The following MTA3 variants were observed in gnomAD, a reference collection of about 807,000 sequenced individuals.
MTA3 encodes metastasis-associated protein MTA3.
In MTA3, 34 loss-of-function variants were observed where a neutral mutation model predicts 83.5. That is an observed-to-expected ratio of 0.41 (90% CI 0.31 to 0.54). The LOEUF (loss-of-function observed/expected upper bound fraction) is 0.54, where lower values mean the gene tolerates loss of function less well. MTA3 is among the 20% of genes least tolerant of loss of function. MTA3 has a pLI of 0.33. For synonymous variants in MTA3, 303 were observed against 252.7 expected, an observed-to-expected ratio of 1.20 and a Z score of -1.89; for missense variants, 761 against 726.4, an observed-to-expected ratio of 1.05 and a Z score of -0.55.
chr2:42,625,491 A>T (rs1685983400), intron 4 of MTA3, among the ~76,000 whole-genome samples: 2 of 150,988 alleles, frequency 1.3e-5, no homozygotes, highest in South Asian at 4.2e-4. Flanking sequence ...TTATGCCTTT[A>T]ATCCCAGCAC....
chr2:42,593,350 C>CAA (rs199677731), intron 3 of MTA3, among the ~76,000 whole-genome samples: 4 of 81,692 alleles, frequency 4.9e-5, no homozygotes, highest in African/African-American at 2.0e-4. Context: ...GACTCTGTGT[C>CAA]AAAACAAAAA....
intron 16 of MTA3, among the ~76,000 whole-genome samples, chr2:42,741,349 C>G (rs1450499672): frequency 6.6e-6 from 1 of 152,196 alleles, no homozygotes; most frequent in Non-Finnish European, 1.5e-5. Flanking sequence ...CATATGTTCA[C>G]TGGAGTGGCA....
In MTA3 at chr2:42,619,436, A is replaced by G. The variant is rs551251265; in HGVS notation, c.317+9852A>G. 1.2e-4 allele frequency among the ~76,000 whole-genome samples: 19 copies of G among 152,330 alleles called. No homozygotes were observed. In the Middle Eastern group the frequency reaches 0.014, roughly 109 times the overall value. On this transcript the variant is annotated intron_variant, in intron 4 of 16. Coordinates refer to ENST00000405094, the MANE Select transcript of MTA3 (RefSeq NM_001330442.2). ...GAGGCCAGGTCAGTTAGGAAACTCA[A>G]TTTAAAATGATATTTATATTATCCA... is the stretch of plus-strand genomic sequence containing the variant.
intron 4 of MTA3, among the ~76,000 whole-genome samples, chr2:42,613,377 A>T (rs1684457762): frequency 6.6e-6 from 1 of 152,136 alleles, no homozygotes; most frequent in African/African-American, 2.4e-5. Context: ...GAGTTTTCTC[A>T]TTTTAGCTTT....
intron 7 of MTA3, among the ~76,000 whole-genome samples, chr2:42,657,583 ACCAAGGAGTTGGTT>A (rs1025712042): frequency 2.6e-5 from 4 of 152,132 alleles, no homozygotes; most frequent in Non-Finnish European, 4.4e-5. Context: ...CATGAAGGAC[ACCAAGGAGTTGGTT>A]CCTAGTATGT....
rs113989479 is a variant in MTA3 at position 42,650,713 on chromosome 2, G to C, written c.500-5487G>C. On this transcript the variant is annotated intron_variant, in intron 6 of 16. Transcript: ENST00000405094. ...CAAAGTGCTGGGATTACAGGCATGA[G>C]CCACCGCACCCTTGATTGTGTTTGT... Among the ~76,000 whole-genome samples, 1,302 of 152,286 alleles carry C rather than the reference G, an allele frequency of 8.5e-3. 18 individuals are homozygous for C. The highest frequency in any genetic ancestry group is 0.029 in the African/African-American group (1,204 of 41,552).
At chr2:42,582,303 C>T (rs1390863884) in intron 3 of MTA3, among the ~76,000 whole-genome samples, 1 of 152,184 alleles carries the variant, frequency 6.6e-6, no homozygotes, top group Non-Finnish European at 1.5e-5. Context: ...CGTGATCTGC[C>T]TGCCTTGGCC....
chr2:42,558,705 G>A (rs1427250010), intron 2 of MTA3, among the ~76,000 whole-genome samples: 5 of 150,256 alleles, frequency 3.3e-5, no homozygotes, highest in South Asian at 2.1e-4. Flanking sequence ...ACGCTGCCAC[G>A]CCCCGCTATT....
chr2:42,506,771 C>A (rs1488403242), intron 2 of MTA3, among the ~76,000 whole-genome samples: 1 of 152,008 alleles, frequency 6.6e-6, no homozygotes, highest in African/African-American at 2.4e-5. Flanking sequence ...CCACACCCAG[C>A]TAATTTTTGT....
intron 8 of MTA3, among the ~76,000 whole-genome samples, chr2:42,672,402 G>A (rs1690887966): frequency 6.6e-6 from 1 of 151,610 alleles, no homozygotes; most frequent in African/African-American, 2.4e-5. Context: ...TAGCACTCTG[G>A]GAGGCCGAGG....
chr2:42,620,127 T>C (rs1202030460), intron 4 of MTA3, among the ~76,000 whole-genome samples: 1 of 151,622 alleles, frequency 6.6e-6, no homozygotes, highest in Non-Finnish European at 1.5e-5. Context: ...ATCTTTTTTT[T>C]TTTTTTTTTT....
intron 3 of MTA3, among the ~76,000 whole-genome samples, chr2:42,603,175 G>A (rs1369401342): frequency 6.6e-6 from 1 of 151,336 alleles, no homozygotes; most frequent in Non-Finnish European, 1.5e-5. Flanking sequence ...AAAACATGTG[G>A]CAAGGCAGAT....
chr2:42,512,884 G>C (rs1163501054), intron 2 of MTA3, among the ~76,000 whole-genome samples: 1 of 152,092 alleles, frequency 6.6e-6, no homozygotes, highest in Non-Finnish European at 1.5e-5. Context: ...ACCAACTCAA[G>C]AATGACATTT....
chr2:42,503,921 C>CTTT lies in MTA3; in HGVS notation c.-141+8684_-141+8686dup, dbSNP rs34028665. On this transcript the variant is annotated intron_variant, in intron 2 of 17. Coordinates refer to the MTA3 transcript ENST00000405592. ...CCCATCCAACCCCATGAACCACATT[C>CTTT]TTTTTTTTTTTTTTTTTTTGAGATG... Among the ~76,000 whole-genome samples, 1,102 of 111,216 alleles carry CTTT rather than the reference C, an allele frequency of 9.9e-3. 43 individuals carry two copies. The highest frequency in any genetic ancestry group is 0.028 in the African/African-American group (804 of 29,012). The allele number at this position is 111,216 out of a possible 152,430, so 73.0% of individuals were successfully genotyped here.
At position 42,556,611 on chromosome 2, in the gene MTA3, A is replaced by G. The variant is rs1007957964; in HGVS notation, c.-140-13826A>G. Among the ~76,000 whole-genome samples the G allele has an allele frequency of 1.3e-4, 20 of 152,300 alleles. No homozygotes were observed. In the South Asian group the frequency reaches 1.9e-3, roughly 14 times the overall value. Reference sequence around the variant, plus strand: ...TCTCCCAGCCTGCCCGATGCTGCAGATGCTTTGGGTAAAGCTCGACCAAGA... The same window carrying G: ...TCTCCCAGCCTGCCCGATGCTGCAGGTGCTTTGGGTAAAGCTCGACCAAGA... On this transcript the variant is annotated intron_variant, in intron 2 of 17. Transcript: ENST00000405592.
chr2:42,712,979 A>C (rs191369285), intron 14 of MTA3: 1 of 152,342 alleles, frequency 6.6e-6, no homozygotes, highest in East Asian at 1.9e-4. Context: ...ACTTCACCAA[A>C]GATCTACAGA....
chr2:42,683,286 T>C (rs1277931899), intron 9 of MTA3, among the ~76,000 whole-genome samples: 1 of 152,236 alleles, frequency 6.6e-6, no homozygotes, highest in Non-Finnish European at 1.5e-5. Context: ...GTTGTCTTAC[T>C]AATTGTTGAG....
At chr2:42,707,321 G>A (rs1666186974) in intron 12 of MTA3, among the ~76,000 whole-genome samples, 1 of 151,612 alleles carries the variant, frequency 6.6e-6, no homozygotes, top group South Asian at 2.1e-4. Flanking sequence ...TCAGCTCACT[G>A]TAACCTCTGC....
chr2:42,556,351 G>C (rs1272632279), intron 2 of MTA3, among the ~76,000 whole-genome samples: 1 of 152,216 alleles, frequency 6.6e-6, no homozygotes, highest in East Asian at 1.9e-4. Flanking sequence ...GCTCTGGAAA[G>C]TGTTTACCAA....
Sources: allele counts gnomAD v4.1 joint callset (sites outside exome capture counted in the v4.1 genomes callset), GRCh38; gene constraint gnomAD v4.1.1; transcripts MANE v1.5; gene names NCBI Gene and HGNC (gene_info 2026-07-23, HGNC 2026-07-21).